The following ZDHHC14 variants were observed in gnomAD, a reference collection of about 807,000 sequenced individuals.
ZDHHC14 encodes zDHHC palmitoyltransferase 14, also known as palmitoyltransferase ZDHHC14.
In ZDHHC14, 16 loss-of-function variants were observed where a neutral mutation model predicts 47.7. That is an observed-to-expected ratio of 0.34 (90% CI 0.23 to 0.51). The LOEUF (loss-of-function observed/expected upper bound fraction) is 0.51. ZDHHC14 is among the 20% of genes least tolerant of loss of function. ZDHHC14 has a pLI of 0.97. For missense variants in ZDHHC14, 515 were observed against 662.5 expected (o/e 0.78, Z 2.44); for synonymous variants, 293 against 278.9 (o/e 1.05, Z -0.50).
At chr6:157,492,176 C>T (rs1306394999) in intron 1 of ZDHHC14, among the ~76,000 whole-genome samples, 4 of 151,540 alleles carry the variant, frequency 2.6e-5, no homozygotes, top group Non-Finnish European at 2.9e-5. Context: ...CCACCTGAGC[C>T]TTGACCCTCA....
intron 1 of ZDHHC14, among the ~76,000 whole-genome samples, chr6:157,442,922 T>C (rs1214910768): frequency 3.3e-5 from 5 of 152,148 alleles, no homozygotes; most frequent in Non-Finnish European, 4.4e-5. Flanking sequence ...CAGACTGAGG[T>C]AGTCATTTCC....
intron 3 of ZDHHC14, among the ~76,000 whole-genome samples, chr6:157,594,290 TTTC>T (rs772102900): frequency 6.6e-6 from 1 of 152,206 alleles, no homozygotes. Context: ...TCGTCTTGGT[TTTC>T]TTAACATAGA....
intron 3 of ZDHHC14, among the ~76,000 whole-genome samples, chr6:157,608,393 G>T (rs570616360): frequency 1.3e-5 from 2 of 151,990 alleles, no homozygotes; most frequent in South Asian, 4.2e-4. Flanking sequence ...GGCACCGGTG[G>T]TACAGGGAGG....
chr6:157,499,062 A>G (rs1381503981), intron 1 of ZDHHC14, among the ~76,000 whole-genome samples: 1 of 152,148 alleles, frequency 6.6e-6, no homozygotes, highest in Non-Finnish European at 1.5e-5. Context: ...AGAAAAAAAA[A>G]AAGAAAATGC....
intron 5 of ZDHHC14, among the ~76,000 whole-genome samples, chr6:157,639,953 G>A (rs546525856): frequency 9.8e-5 from 15 of 152,330 alleles, no homozygotes; most frequent in African/African-American, 3.6e-4. Context: ...CATGTAATGT[G>A]GAAGGAGGGA....
At position 157,391,910 on chromosome 6, in the gene ZDHHC14, A is replaced by G. The variant is rs531107642; in HGVS notation, c.245+9644A>G. Among the ~76,000 whole-genome samples, 3 of 152,338 alleles carry G rather than the reference A, an allele frequency of 2.0e-5. No homozygotes were observed. In the East Asian group the frequency reaches 5.8e-4, roughly 29 times the overall value. On this transcript the variant is annotated intron_variant, in intron 1 of 8. Coordinates refer to ENST00000359775, the MANE Select transcript of ZDHHC14 (RefSeq NM_024630.3). ...CGGATTCATTTATGTTTTTGCATATATATGTAATTCATTTTTACTGCTGTA... is the reference window on the plus strand; with the variant it reads ...CGGATTCATTTATGTTTTTGCATATGTATGTAATTCATTTTTACTGCTGTA...
intron 2 of ZDHHC14, among the ~76,000 whole-genome samples, chr6:157,559,078 C>T (rs1353574991): frequency 6.6e-6 from 1 of 152,200 alleles, no homozygotes; most frequent in Admixed American, 6.5e-5. Context: ...AGTTAACAAC[C>T]ACTCTTCCAT....
intron 1 of ZDHHC14, among the ~76,000 whole-genome samples, chr6:157,405,076 C>T (rs1777714118): frequency 6.7e-6 from 1 of 150,222 alleles, no homozygotes; most frequent in South Asian, 2.1e-4. Context: ...CTGAAGCTCC[C>T]GTTTTATTTA....
At chr6:157,524,060 G>C (rs560390220) in intron 1 of ZDHHC14, among the ~76,000 whole-genome samples, 2 of 152,174 alleles carry the variant, frequency 1.3e-5, no homozygotes, top group Non-Finnish European at 2.9e-5. Flanking sequence ...GGGATCTTTA[G>C]GAAATGCTAG....
At chr6:157,605,447 T>TA (rs1283067267) in intron 3 of ZDHHC14, among the ~76,000 whole-genome samples, 1 of 152,212 alleles carries the variant, frequency 6.6e-6, no homozygotes, top group Non-Finnish European at 1.5e-5. Flanking sequence ...ATCCTTTATT[T>TA]ATGTATGGAT....
chr6:157,506,735 TC>T (rs1780333909), intron 1 of ZDHHC14, among the ~76,000 whole-genome samples: 1 of 152,216 alleles, frequency 6.6e-6, no homozygotes, highest in Non-Finnish European at 1.5e-5. Flanking sequence ...TTTATATTGG[TC>T]CCTGGGGGAA....
intron 3 of ZDHHC14, among the ~76,000 whole-genome samples, chr6:157,602,587 C>T (rs1405381928): frequency 3.3e-5 from 5 of 151,718 alleles, no homozygotes; most frequent in African/African-American, 1.2e-4. Context: ...GCTGAGTTGC[C>T]AAGGCTAAAT....
chr6:157,410,360 T>C (rs1206897537), intron 1 of ZDHHC14, among the ~76,000 whole-genome samples: 1 of 152,210 alleles, frequency 6.6e-6, no homozygotes, highest in African/African-American at 2.4e-5. Context: ...TAGTGCTATT[T>C]GGGTCCAGGG....
intron 1 of ZDHHC14, among the ~76,000 whole-genome samples, chr6:157,506,265 G>A (rs536394725): frequency 4.6e-5 from 7 of 152,240 alleles, no homozygotes; most frequent in East Asian, 3.9e-4. Context: ...TCCAGCCAGC[G>A]GTTACTACAT....
intron 8 of ZDHHC14, among the ~76,000 whole-genome samples, chr6:157,666,939 G>C (rs180799400): frequency 1.3e-5 from 2 of 152,296 alleles, no homozygotes; most frequent in Admixed American, 1.3e-4. Context: ...CTGTCACAGT[G>C]ACTTACTGCA....
At chr6:157,585,090 C>T (rs547482392) in intron 2 of ZDHHC14, among the ~76,000 whole-genome samples, 180 of 152,012 alleles carry the variant, frequency 1.2e-3, no homozygotes, top group African/African-American at 4.1e-3. Flanking sequence ...GCTTGTAGTC[C>T]CAGCTTCTCG....
At chr6:157,484,160 G>C (rs1228676564) in intron 1 of ZDHHC14, among the ~76,000 whole-genome samples, 1 of 151,442 alleles carries the variant, frequency 6.6e-6, no homozygotes, top group African/African-American at 2.4e-5. Context: ...GGGGTGCGGG[G>C]AGGGAGAGGA....
At chr6:157,406,686 C>A (rs577482647) in intron 1 of ZDHHC14, among the ~76,000 whole-genome samples, 2 of 152,348 alleles carry the variant, frequency 1.3e-5, no homozygotes, top group East Asian at 3.9e-4. Context: ...TTTCCCTCTG[C>A]TGGAAAAATT....
At chr6:157,472,298 C>A (rs1583678566) in intron 1 of ZDHHC14, among the ~76,000 whole-genome samples, 1 of 152,108 alleles carries the variant, frequency 6.6e-6, no homozygotes, top group African/African-American at 2.4e-5. Context: ...TTGAAACCAA[C>A]CCCCTTCTAC....
Sources: allele counts gnomAD v4.1 joint callset (sites outside exome capture counted in the v4.1 genomes callset), GRCh38; gene constraint gnomAD v4.1.1; transcripts MANE v1.5; gene names NCBI Gene and HGNC (gene_info 2026-07-23, HGNC 2026-07-21).